Variants in ACOT12 observed in about 807,000 individuals in gnomAD.
The protein encoded by ACOT12 is acetyl-coenzyme A thioesterase.
A neutral mutation model predicts 67.7 loss-of-function variants in ACOT12; 51 were observed. The observed-to-expected ratio is 0.75, with a 90% CI of 0.60 to 0.95. The LOEUF is 0.95. Among genes scored for constraint, ACOT12 ranks in the 40% least tolerant of loss-of-function variants. The pLI is 0.00. For missense variants in ACOT12, 734 were observed against 708.1 expected, an observed-to-expected ratio of 1.04 and a Z score of -0.41; for synonymous variants, 251 against 244.6, an observed-to-expected ratio of 1.03 and a Z score of -0.24.
chr5:81,360,896 G>A (rs569410020), intron 4 of ACOT12, among the ~76,000 whole-genome samples: 50 of 151,684 alleles, frequency 3.3e-4, no homozygotes, highest in African/African-American at 7.0e-4. Context: ...TGGCCAACAC[G>A]TTGAAACACT....
chr5:81,318,537 T>C, the ACOT12 span, among the ~76,000 whole-genome samples: 72,479 of 151,998 alleles, frequency 0.48, 18,019 homozygotes, highest in Admixed American at 0.59. Flanking sequence ...CCTTATATTT[T>C]CATATGAATC....
chr5:81,368,447 T>C (rs1760148157), intron 3 of ACOT12, among the ~76,000 whole-genome samples: 1 of 152,074 alleles, frequency 6.6e-6, no homozygotes. Context: ...TTTTGGGTCA[T>C]TAAAAAAGTC....
rs1479793511 is a variant in ACOT12, at chr5:81,332,468, T to G, written c.1391+9A>C. The G allele has an allele frequency of 6.2e-7, 1 of 1,613,724 alleles. No individual in the cohort carries two copies. Among genetic ancestry groups the G allele is most frequent in the Non-Finnish European group, 8.5e-7 (1 of 1,179,868 alleles). On this transcript the variant is annotated intron_variant, in intron 13 of 14. Transcript: ENST00000307624. ...ATATTAATAGAACACTTGGACTGCA[T>G]ATACTCACCCATCTTTGAGGGGTTT...
rs1050471662 is a variant in ACOT12, at chr5:81,345,978, A to G, written c.680T>C (p.Leu227Pro). 1.2e-6 allele frequency: 2 copies of G among 1,614,032 alleles called. No individual in the cohort carries two copies. The highest frequency in any genetic ancestry group is 1.7e-6 in the Non-Finnish European group (2 of 1,179,900). ...GAACTTAAACATATCTACGGACTTC[A>G]GAAAGGGATGAGCCCAACACAGGCG... is the stretch of plus-strand genomic sequence containing the variant. The part of the protein sequence containing the change: ...ASRLCWAHPF[L>P]KSVDMFKFRG... Residue 227 changes from leucine (L) to proline (P), a missense_variant, in exon 7 of 15, where the codon CTG becomes CCG. Physicochemically the swap from Leu to Pro is moderately conservative, Grantham distance 98. Coordinates refer to ENST00000307624, the MANE Select transcript of ACOT12 (RefSeq NM_130767.3).
chr5:81,336,763 A>G (rs1759015986), intron 11 of ACOT12, among the ~76,000 whole-genome samples: 1 of 152,184 alleles, frequency 6.6e-6, no homozygotes, highest in Non-Finnish European at 1.5e-5. Context: ...GCTGTGAGAA[A>G]ACAAACAAAT....
chr5:81,350,535 A>T (rs1295695118), intron 5 of ACOT12, among the ~76,000 whole-genome samples: 1 of 152,152 alleles, frequency 6.6e-6, no homozygotes. Context: ...ATTTTTCACT[A>T]GGATCTCATA....
chr5:81,316,549 A>T, the ACOT12 span, among the ~76,000 whole-genome samples: 1 of 152,224 alleles, frequency 6.6e-6, no homozygotes, highest in East Asian at 1.9e-4. Context: ...TATTATTAAC[A>T]AGGCTACTGT....
intron 4 of ACOT12, among the ~76,000 whole-genome samples, chr5:81,362,000 C>A (rs1759924123): frequency 6.6e-6 from 1 of 152,128 alleles, no homozygotes; most frequent in South Asian, 2.1e-4. Context: ...GCTGAACCAG[C>A]ATATTAGCAA....
intron 3 of ACOT12, among the ~76,000 whole-genome samples, chr5:81,369,720 G>A (rs759665065): frequency 6.6e-6 from 1 of 152,118 alleles, no homozygotes; most frequent in Non-Finnish European, 1.5e-5. Context: ...GCCTCCTTTA[G>A]AAATTCTAGC....
intron 5 of ACOT12, among the ~76,000 whole-genome samples, chr5:81,359,185 TG>T (rs1211043106): frequency 6.6e-6 from 1 of 152,144 alleles, no homozygotes; most frequent in Non-Finnish European, 1.5e-5. Flanking sequence ...GGTGAGCTTG[TG>T]GGGCCTGGGC....
chr5:81,359,491 C>T (rs1199978305), intron 5 of ACOT12, among the ~76,000 whole-genome samples: 2 of 152,208 alleles, frequency 1.3e-5, no homozygotes, highest in Non-Finnish European at 1.5e-5. Context: ...TTCTTTCCTA[C>T]TCAGAGTTGC....
At chr5:81,370,287 A>C (rs574217867) in intron 3 of ACOT12, among the ~76,000 whole-genome samples, 1 of 152,298 alleles carries the variant, frequency 6.6e-6, no homozygotes, top group East Asian at 1.9e-4. Flanking sequence ...ACAAAAGCAA[A>C]AACAAAAAAA....
chr5:81,339,326 G>C (rs1200924528), intron 11 of ACOT12, among the ~76,000 whole-genome samples: 1 of 152,168 alleles, frequency 6.6e-6, no homozygotes, highest in Non-Finnish European at 1.5e-5. Flanking sequence ...GCTCCCCTCT[G>C]GTCTGTTTCC....
intron 12 of ACOT12, among the ~76,000 whole-genome samples, chr5:81,334,787 G>A (rs1164044405): frequency 2.0e-5 from 3 of 152,224 alleles, no homozygotes; most frequent in Admixed American, 2.0e-4. Flanking sequence ...GGGCCCCAGT[G>A]CAGCTGGTCT....
intron 11 of ACOT12, among the ~76,000 whole-genome samples, chr5:81,341,984 A>T (rs2153847581): frequency 6.6e-6 from 1 of 151,212 alleles, no homozygotes; most frequent in South Asian, 2.1e-4. Context: ...TAATTGACCA[A>T]TTATTTATTT....
Position 81,363,801 on chromosome 5 carries a change from A to G in ACOT12, c.347T>C (p.Val116Ala). 3 of 1,609,556 alleles carry G rather than the reference A, an allele frequency of 1.9e-6. No homozygotes were observed. The highest frequency in any genetic ancestry group is 2.5e-6 in the Non-Finnish European group (3 of 1,177,974). Residue 116 changes from valine to alanine, a missense_variant, in exon 4 of 15, where the codon GTT becomes GCT. Val to Ala is a moderately conservative substitution (Grantham distance 64). Transcript: ENST00000307624. ...TACAAAATTTACCTTTTCTTTTCCAACTGGTTTGGCTACAAATGTGGAGAA... is the reference window on the plus strand; with the variant it reads ...TACAAAATTTACCTTTTCTTTTCCAGCTGGTTTGGCTACAAATGTGGAGAA... ...VAFSTFVAKPVGKEKIHLKPV... is the reference protein window; with the variant it reads ...VAFSTFVAKPAGKEKIHLKPV...
chr5:81,347,761 C>G lies in ACOT12; in HGVS notation c.653+13G>C. On this transcript the variant is annotated intron_variant, in intron 6 of 14. Coordinates refer to ENST00000307624, the MANE Select transcript of ACOT12 (RefSeq NM_130767.3). ...GGTCCCAAAATCATAGGCCGAAGGT[C>G]AAAACCAAGAACCTTGCAGAAATAG... The G allele has an allele frequency of 6.2e-7, 1 of 1,612,356 alleles. No homozygotes were observed. The highest frequency in any genetic ancestry group is 8.5e-7 in the Non-Finnish European group (1 of 1,179,122).
chr5:81,342,614 A>T, intron 11 of ACOT12, 58 bp downstream of exon 11: 1 of 1,557,070 alleles, frequency 6.4e-7, no homozygotes, highest in Non-Finnish European at 8.9e-7. Flanking sequence ...AACCACCACC[A>T]CCACAGCTTT....
intron 2 of ACOT12, among the ~76,000 whole-genome samples, chr5:81,378,027 A>C (rs1187759117): frequency 6.6e-6 from 1 of 152,254 alleles, no homozygotes; most frequent in Non-Finnish European, 1.5e-5. Context: ...TGAATAGCCA[A>C]GACAATCCTA....
Sources: allele counts gnomAD v4.1 joint callset (sites outside exome capture counted in the v4.1 genomes callset), GRCh38; gene constraint gnomAD v4.1.1; transcripts MANE v1.5; gene names NCBI Gene and HGNC (gene_info 2026-07-23, HGNC 2026-07-21).